The following PDE4D variants were observed in gnomAD, a reference collection of about 807,000 sequenced individuals.
PDE4D encodes the protein 3',5'-cyclic-AMP phosphodiesterase 4D.
A neutral mutation model predicts 87.4 loss-of-function variants in PDE4D; 24 were observed. That is an observed-to-expected ratio of 0.27 (90% CI 0.20 to 0.39). The LOEUF (loss-of-function observed/expected upper bound fraction) is 0.39. PDE4D is among the 10% of genes least tolerant of loss of function. The probability of loss-of-function intolerance (pLI) is 1.00; values close to 1 mark genes in which losing one functional copy is unlikely to be tolerated. For missense variants in PDE4D, 714 were observed against 1,041.0 expected, an observed-to-expected ratio of 0.69 and a Z score of 4.32; for synonymous variants, 384 against 383.2, an observed-to-expected ratio of 1.00 and a Z score of -0.02.
intron 1 of PDE4D, among the ~76,000 whole-genome samples, chr5:60,333,004 C>T (rs35811820): frequency 0.26 from 38,817 of 152,112 alleles, 5,423 homozygotes; most frequent in East Asian, 0.48. Context: ...CAGGCCAAGG[C>T]TGGCTCTAAG....
At chr5:60,348,599 T>A (rs1243775915) in intron 1 of PDE4D, among the ~76,000 whole-genome samples, 1 of 152,168 alleles carries the variant, frequency 6.6e-6, no homozygotes, top group Non-Finnish European at 1.5e-5. Flanking sequence ...TTGAAAATTC[T>A]TATGAAATAA....
At chr5:59,069,885 A>G (rs1330822777) in intron 5 of PDE4D, among the ~76,000 whole-genome samples, 1 of 152,184 alleles carries the variant, frequency 6.6e-6, no homozygotes, top group Non-Finnish European at 1.5e-5. Context: ...CAAAAGAAAA[A>G]TGGAAACAAG....
chr5:59,203,449 A>C (rs1013479332), intron 2 of PDE4D, among the ~76,000 whole-genome samples: 1 of 152,192 alleles, frequency 6.6e-6, no homozygotes, highest in Admixed American at 6.5e-5. Flanking sequence ...AAAATTAAGG[A>C]TAAAACTACC....
intron 1 of PDE4D, among the ~76,000 whole-genome samples, chr5:60,389,067 A>C (rs1170176535): frequency 6.6e-6 from 1 of 152,216 alleles, no homozygotes; most frequent in Non-Finnish European, 1.5e-5. Flanking sequence ...AATATCATAT[A>C]GATATAGAAT....
chr5:59,648,789 G>A (rs1024661935), intron 1 of PDE4D, among the ~76,000 whole-genome samples: 2 of 151,884 alleles, frequency 1.3e-5, no homozygotes, highest in African/African-American at 4.8e-5. Flanking sequence ...TCAAGGCTAA[G>A]AAAGATTATT....
At chr5:58,988,680 A>G in intron 10 of PDE4D, 88 bp from the exon 11 acceptor site, 1 of 546,864 alleles carries the variant, frequency 1.8e-6, no homozygotes, top group East Asian at 3.2e-5. Context: ...CTAGAATTTA[A>G]ATGGAAAACA....
At chr5:60,322,722 A>G (rs1037796754) in intron 1 of PDE4D, among the ~76,000 whole-genome samples, 10 of 152,240 alleles carry the variant, frequency 6.6e-5, no homozygotes, top group South Asian at 2.1e-4. Context: ...AGTCTCTTCC[A>G]TCTTATCTAG....
chr5:60,515,607 T>TTTTTTTTTTTTTTCTG, intron 1 of PDE4D, among the ~76,000 whole-genome samples: 1 of 147,986 alleles, frequency 6.8e-6, no homozygotes, highest in Non-Finnish European at 1.5e-5. Context: ...TTTTCTTTTT[T>TTTTTTTTTTTTTTCTG]TTTTTTTTTT....
At chr5:60,464,537 G>A (rs373033704) in intron 1 of PDE4D, among the ~76,000 whole-genome samples, 2 of 152,138 alleles carry the variant, frequency 1.3e-5, no homozygotes, top group Non-Finnish European at 2.9e-5. Context: ...GAAGTTCAGC[G>A]ATACTCAGCT....
At chr5:60,032,131 T>C (rs550126731) in intron 2 of PDE4D, among the ~76,000 whole-genome samples, 11 of 152,198 alleles carry the variant, frequency 7.2e-5, no homozygotes, top group Admixed American at 6.5e-5. Context: ...ACTTCAAAAA[T>C]AGAAGAATTT....
intron 1 of PDE4D, among the ~76,000 whole-genome samples, chr5:59,423,414 G>T (rs1794754203): frequency 6.6e-6 from 1 of 152,112 alleles, no homozygotes; most frequent in Non-Finnish European, 1.5e-5. Flanking sequence ...TTGGTGTAGG[G>T]ATTCATTCTT....
intron 1 of PDE4D, among the ~76,000 whole-genome samples, chr5:60,346,220 C>T (rs759015448): frequency 5.9e-5 from 9 of 152,060 alleles, no homozygotes; most frequent in Non-Finnish European, 1.0e-4. Context: ...TTATCTTATT[C>T]CTACTGACCT....
intron 5 of PDE4D, among the ~76,000 whole-genome samples, chr5:59,150,377 CCAGGAG>C (rs1338201193): frequency 6.6e-6 from 1 of 152,126 alleles, no homozygotes; most frequent in African/African-American, 2.4e-5. Context: ...CCATAAAATT[CCAGGAG>C]CATGTGTAGA....
At chr5:60,418,268 G>A (rs1187274820) in intron 1 of PDE4D, among the ~76,000 whole-genome samples, 2 of 152,114 alleles carry the variant, frequency 1.3e-5, no homozygotes, top group African/African-American at 4.8e-5. Context: ...TGAAAGACAC[G>A]AGTTCAAATT....
rs1014184666 is a variant in PDE4D, at chr5:60,128,334, T to C, written c.42+57223A>G. Among the ~76,000 whole-genome samples the C allele has an allele frequency of 3.3e-5, 5 of 152,340 alleles. No individual in the cohort carries two copies. The South Asian group carries it at 8.3e-4, about 25-fold the overall frequency. On this transcript the variant is annotated intron_variant, in intron 2 of 16. Transcript: ENST00000502484. ...GGATAGAGTGCAGTATCATCTGACC[T>C]TAAGCAGCGAGTGGCAGAGAGTCAA...
At chr5:60,341,756 T>C (rs1758339603) in intron 1 of PDE4D, among the ~76,000 whole-genome samples, 1 of 152,146 alleles carries the variant, frequency 6.6e-6, no homozygotes. Context: ...TCAAAGAGTG[T>C]AGAGCCACAT....
At position 59,893,466 on chromosome 5, in the gene PDE4D, G is replaced by A; in HGVS notation, c.157C>T (p.Pro53Ser). 6.5e-7 allele frequency: 1 copy of A among 1,533,538 alleles called. No homozygotes were observed. The highest frequency in any genetic ancestry group is 8.8e-7 in the Non-Finnish European group (1 of 1,138,978). 95.0% of individuals were successfully genotyped at this position (1,533,538 alleles called of 1,614,324 possible). A position where few individuals can be genotyped will look rare whatever the true frequency, so the allele number is the denominator to read the frequency against. The stretch of plus-strand genomic sequence containing the variant: ...GGCGGCGGGGGCAGGTGGTGATGGG[G>A]ATGCAGGAGGCGGAACTGGGGCTGC... ...LRQPQFRLLH[P>S]HHHLPPPPPP... The change falls in exon 1 of 15, where the codon CCC (proline) becomes TCC (serine). Residue 53 changes from proline to serine, a missense_variant. Pro to Ser is a moderately conservative substitution (Grantham distance 74). Coordinates refer to ENST00000340635, the MANE Select transcript of PDE4D (RefSeq NM_001104631.2).
At chr5:59,836,137 GTGGGAGGTA>G (rs1182626032) in intron 1 of PDE4D, among the ~76,000 whole-genome samples, 3 of 152,134 alleles carry the variant, frequency 2.0e-5, no homozygotes, top group Middle Eastern at 3.4e-3. Context: ...CACATAATCA[GTGGGAGGTA>G]TGTGTTCATC....
At chr5:59,624,808 T>C (rs1054164854) in intron 1 of PDE4D, among the ~76,000 whole-genome samples, 10 of 152,224 alleles carry the variant, frequency 6.6e-5, no homozygotes, top group African/African-American at 2.4e-4. Context: ...TTGCTATAAT[T>C]GAGTTCCTAA....
Sources: gnomAD v4.1 joint callset for allele counts (sites outside exome capture counted in the v4.1 genomes callset) on GRCh38, gnomAD v4.1.1 for gene constraint, MANE v1.5 for transcripts, NCBI Gene and HGNC (gene_info 2026-07-23, HGNC 2026-07-21) for gene names.